FBXL7: variants seen among roughly 807,000 people sequenced by gnomAD.
FBXL7 encodes F-box and leucine rich repeat protein 7.
Under a neutral mutation model 38.3 loss-of-function variants are expected in FBXL7, and 12 were observed. That is an observed-to-expected ratio of 0.31 (90% CI 0.20 to 0.51). The LOEUF (loss-of-function observed/expected upper bound fraction) is 0.51. FBXL7 is among the 20% of genes least tolerant of loss of function. The pLI, the probability that FBXL7 is intolerant of heterozygous loss-of-function variation, is 0.98. For synonymous variants in FBXL7, 297 were observed against 300.9 expected (o/e 0.99, Z 0.13); for missense variants, 567 against 676.4 (o/e 0.84, Z 1.79).
intron 1 of FBXL7, among the ~76,000 whole-genome samples, chr5:15,609,660 T>C (rs543637763): frequency 6.6e-6 from 1 of 152,336 alleles, no homozygotes; most frequent in East Asian, 1.9e-4. Context: ...AGACTTTCCT[T>C]GACTTGTGGT....
chr5:15,690,406 T>C (rs1295663777), intron 2 of FBXL7, among the ~76,000 whole-genome samples: 1 of 152,174 alleles, frequency 6.6e-6, no homozygotes, highest in Non-Finnish European at 1.5e-5. Flanking sequence ...TAATTTTATT[T>C]TTAGTTGACA....
chr5:15,849,669 C>G (rs890778182), intron 2 of FBXL7, among the ~76,000 whole-genome samples: 4 of 152,118 alleles, frequency 2.6e-5, no homozygotes, highest in African/African-American at 9.7e-5. Flanking sequence ...TATAAATTAC[C>G]CAGTCTCAGG....
intron 2 of FBXL7, among the ~76,000 whole-genome samples, chr5:15,886,340 G>T (rs968616412): frequency 6.6e-6 from 1 of 152,034 alleles, no homozygotes; most frequent in African/African-American, 2.4e-5. Context: ...GAGAACACAG[G>T]CAGGGGAAAG....
chr5:15,584,293 T>C (rs183535029), intron 1 of FBXL7, among the ~76,000 whole-genome samples: 5 of 152,360 alleles, frequency 3.3e-5, no homozygotes, highest in South Asian at 2.1e-4. Context: ...TTGTTACTTA[T>C]GAATTTCTCT....
chr5:15,681,876 G>T (rs973164890), intron 2 of FBXL7, among the ~76,000 whole-genome samples: 1 of 152,142 alleles, frequency 6.6e-6, no homozygotes, highest in Admixed American at 6.5e-5. Context: ...TTGAAGAGTG[G>T]AACATAATTG....
rs536854711 is a variant in FBXL7 at position 15,757,997 on chromosome 5, C to T, written c.127+141925C>T. On this transcript the variant is annotated intron_variant, in intron 2 of 3. Coordinates refer to ENST00000504595, the MANE Select transcript of FBXL7 (RefSeq NM_012304.5). Reference sequence around the variant, plus strand: ...GTTACATTCTCTTTGTCTTGGCACGCGTTCACGGTGAAATTACGATAAAGA... The same window carrying T: ...GTTACATTCTCTTTGTCTTGGCACGTGTTCACGGTGAAATTACGATAAAGA... Among the ~76,000 whole-genome samples, 15 of 152,054 alleles carry T rather than the reference C, an allele frequency of 9.9e-5. No homozygotes were observed. In the South Asian group the frequency reaches 2.1e-3, roughly 21 times the overall value.
intron 2 of FBXL7, among the ~76,000 whole-genome samples, chr5:15,721,414 C>T (rs920197483): frequency 5.3e-5 from 8 of 152,058 alleles, no homozygotes; most frequent in Non-Finnish European, 8.8e-5. Context: ...GGGAAGTGCC[C>T]TGCCAAAAAT....
At chr5:15,562,201 C>T (rs555619101) in intron 1 of FBXL7, among the ~76,000 whole-genome samples, 22 of 152,146 alleles carry the variant, frequency 1.4e-4, no homozygotes, top group African/African-American at 5.3e-4. Flanking sequence ...ATATTGGCTC[C>T]AGCAATGATT....
intron 2 of FBXL7, among the ~76,000 whole-genome samples, chr5:15,744,561 A>G (rs1436033708): frequency 6.6e-6 from 1 of 152,120 alleles, no homozygotes; most frequent in African/African-American, 2.4e-5. Context: ...GGAAGTTCCA[A>G]ACTTTCTCAC....
chr5:15,681,754 G>A (rs1341364444), intron 2 of FBXL7, among the ~76,000 whole-genome samples: 1 of 152,130 alleles, frequency 6.6e-6, no homozygotes, highest in Non-Finnish European at 1.5e-5. Context: ...TATAAAGGTG[G>A]GTTAATGCTG....
chr5:15,840,680 C>G (rs1238280219), intron 2 of FBXL7, among the ~76,000 whole-genome samples: 1 of 151,918 alleles, frequency 6.6e-6, no homozygotes, highest in Non-Finnish European at 1.5e-5. Context: ...AACCCCGTCT[C>G]TACTAAAAAT....
chr5:15,518,271 G>A (rs894512921), intron 1 of FBXL7, among the ~76,000 whole-genome samples: 1 of 152,082 alleles, frequency 6.6e-6, no homozygotes, highest in East Asian at 1.9e-4. Flanking sequence ...CCGGCCACAG[G>A]TTCAGTTTTA....
intron 2 of FBXL7, among the ~76,000 whole-genome samples, chr5:15,915,051 A>G (rs1166782455): frequency 6.6e-6 from 1 of 152,232 alleles, no homozygotes; most frequent in Non-Finnish European, 1.5e-5. Context: ...CTGAAAATTC[A>G]TCAGTTAATC....
chr5:15,524,268 C>T (rs1737187813), intron 1 of FBXL7, among the ~76,000 whole-genome samples: 1 of 152,022 alleles, frequency 6.6e-6, no homozygotes, highest in African/African-American at 2.4e-5. Flanking sequence ...TCTCCCTACT[C>T]AAAGAACAAA....
chr5:15,881,105 T>A (rs1404565892), intron 2 of FBXL7, among the ~76,000 whole-genome samples: 1 of 152,172 alleles, frequency 6.6e-6, no homozygotes, highest in East Asian at 1.9e-4. Flanking sequence ...AGTTCTTTAG[T>A]GGTGATTTCT....
chr5:15,674,932 G>A (rs1304026586), intron 2 of FBXL7, among the ~76,000 whole-genome samples: 1 of 152,136 alleles, frequency 6.6e-6, no homozygotes, highest in Admixed American at 6.5e-5. Flanking sequence ...AGACCCTCTG[G>A]AATTCACAGC....
At chr5:15,934,688 TG>T (rs1384180552) in intron 3 of FBXL7, among the ~76,000 whole-genome samples, 1 of 152,186 alleles carries the variant, frequency 6.6e-6, no homozygotes, top group Non-Finnish European at 1.5e-5. Flanking sequence ...AACAGACAAC[TG>T]TTTTTCAATG....
chr5:15,696,992 C>A (rs1442024404), intron 2 of FBXL7, among the ~76,000 whole-genome samples: 1 of 152,158 alleles, frequency 6.6e-6, no homozygotes. Context: ...AGTTTTATAT[C>A]CCCATTGTTT....
chr5:15,874,909 C>A (rs1374304704), intron 2 of FBXL7, among the ~76,000 whole-genome samples: 1 of 152,014 alleles, frequency 6.6e-6, no homozygotes, highest in South Asian at 2.1e-4. Context: ...ATTAGAAAAA[C>A]CTACTTTAAA....
Sources: allele counts gnomAD v4.1 joint callset (sites outside exome capture counted in the v4.1 genomes callset), GRCh38; gene constraint gnomAD v4.1.1; transcripts MANE v1.5; gene names NCBI Gene and HGNC (gene_info 2026-07-23, HGNC 2026-07-21).